ZNF780A: variants seen among roughly 807,000 people sequenced by gnomAD.
ZNF780A encodes zinc finger protein 780A.
Under a neutral mutation model 56.7 loss-of-function variants are expected in ZNF780A, and 40 were observed. The observed-to-expected ratio is 0.71, with a 90% CI of 0.55 to 0.92. ZNF780A has a LOEUF of 0.92. Among genes scored for constraint, ZNF780A ranks in the 40% least tolerant of loss-of-function variants. The pLI is 0.00. For missense variants in ZNF780A, 672 were observed against 783.3 expected (o/e 0.86, Z 1.70); for synonymous variants, 231 against 248.3 (o/e 0.93, Z 0.66).
At chr19:40,081,759 T>C in intron 5 of ZNF780A, 60 bp downstream of exon 5, 2 of 1,438,412 alleles carry the variant, frequency 1.4e-6, no homozygotes, top group Non-Finnish European at 2.0e-6. Flanking sequence ...GTATGACTCC[T>C]TTCTGAGCAC....
At position 40,081,832 on chromosome 19, in the gene ZNF780A, G is replaced by A. The variant is rs748770793; in HGVS notation, c.219C>T (p.Ser73=). 24 of 1,612,070 alleles carry A rather than the reference G, an allele frequency of 1.5e-5. No individual in the cohort carries two copies. In the East Asian group the frequency reaches 4.7e-4, roughly 31 times the overall value. Residue 73 remains serine, a synonymous_variant, in exon 5 of 6, where the codon AGC becomes AGT. Coordinates refer to ENST00000683561, the MANE Select transcript of ZNF780A (RefSeq NM_001142578.2). ...EPWMVVRKET[S]RRYPDLELKY... is the part of the protein sequence containing the mutation. ...ACCCTCACTTACCTGGATACCGTCT[G>A]CTTGTTTCTTTCCTTACAACCATCC...
chr19:40,085,250 T>C (rs1974731762), intron 2 of ZNF780A: 1 of 985,286 alleles, frequency 1.0e-6, no homozygotes, highest in Admixed American at 6.2e-5. Context: ...GGGGAAGGCA[T>C]GAGAACTGGA....
At chr19:40,088,416 A>T (rs567151536) in intron 2 of ZNF780A, among the ~76,000 whole-genome samples, 2 of 152,310 alleles carry the variant, frequency 1.3e-5, no homozygotes, top group South Asian at 4.1e-4. Flanking sequence ...AATACTCAAC[A>T]TCACTAATCA....
chr19:40,087,947 AG>A (rs1974911709), intron 2 of ZNF780A, among the ~76,000 whole-genome samples: 1 of 152,166 alleles, frequency 6.6e-6, no homozygotes, highest in Admixed American at 6.6e-5. Context: ...TGTGAAAAGT[AG>A]GTATCCATAT....
chr19:40,074,861 T>A lies in ZNF780A; in HGVS notation c.1581A>T (p.Lys527Asn). The A allele has an allele frequency of 6.2e-7, 1 of 1,614,184 alleles. No individual in the cohort carries two copies. Among genetic ancestry groups the A allele is most frequent in the Non-Finnish European group, 8.5e-7 (1 of 1,180,022 alleles). Reference sequence around the variant, plus strand: ...TCCCACATTCCTTACATTCAAATGGTTTTTCACCTGTGTGAGTTTTCTGAT... The same window carrying A: ...TCCCACATTCCTTACATTCAAATGGATTTTCACCTGTGTGAGTTTTCTGAT... ...SQHQKTHTGE[K>N]PFECKECGKF... is the part of the protein sequence containing the mutation. The change falls in exon 6 of 6, where the codon AAA becomes AAT. Residue 527 changes from lysine to asparagine, a missense_variant. Transcript: ENST00000683561.
Position 40,074,419 on chromosome 19 carries a change from A to G in ZNF780A, c.*97T>C, listed in dbSNP as rs1265657329. 5.8e-6 allele frequency: 9 copies of G among 1,560,750 alleles called. No homozygotes were observed. The highest frequency in any genetic ancestry group is 1.4e-5 in the African/African-American group (1 of 73,168). ...TTGAACCACAAATGAAGCCTTTCCC[A>G]CACCCCTTACATTCACATGGTTTTA... On this transcript the variant is annotated 3_prime_UTR_variant, in exon 6 of 6. Transcript: ENST00000683561.
rs1973991537 is a variant in ZNF780A, at chr19:40,074,734, T to TA, written c.1707dup (p.Met570TyrfsTer13). 6.2e-7 allele frequency: 1 copy of TA among 1,612,650 alleles called. No individual in the cohort carries two copies. Among genetic ancestry groups the TA allele is most frequent in the African/African-American group, 1.3e-5 (1 of 74,380 alleles). The stretch of plus-strand genomic sequence containing the variant: ...AATTTCTGATGTCGAATAAGGTGCA[T>TA]ATGAAGTCGAAAGGCTTTCCCACAT... On this transcript the variant is annotated frameshift_variant, in exon 6 of 6. Transcript: ENST00000683561. LOFTEE classifies it high-confidence loss of function.
At chr19:40,071,019 T>G (rs1302028824), downstream of ZNF780A, 1 of 152,148 alleles carries the variant, frequency 6.6e-6, no homozygotes, top group East Asian at 1.9e-4. Context: ...TTTTGTAAGA[T>G]TTATAAGATC....
At chr19:40,088,420 C>T (rs528003565) in intron 2 of ZNF780A, among the ~76,000 whole-genome samples, 1 of 152,234 alleles carries the variant, frequency 6.6e-6, no homozygotes, top group South Asian at 2.1e-4. Context: ...CTCAACATCA[C>T]TAATCATCAG....
downstream of ZNF780A, chr19:40,072,849 G>A (rs139242176): frequency 8.6e-5 from 131 of 1,531,392 alleles, 1 homozygote; most frequent in Middle Eastern, 5.1e-4. Context: ...AAATTTGAGC[G>A]CCTACATTCA....
chr19:40,072,840 A>C, downstream of ZNF780A: 1 of 1,528,922 alleles, frequency 6.5e-7, no homozygotes. Flanking sequence ...TACCTACCAA[A>C]ATTTGAGCGC....
chr19:40,087,097 C>G (rs1402322862), intron 2 of ZNF780A, among the ~76,000 whole-genome samples: 1 of 152,082 alleles, frequency 6.6e-6, no homozygotes, highest in Non-Finnish European at 1.5e-5. Flanking sequence ...TTATAGACAT[C>G]ATTTTATTAC....
At chr19:40,090,451 G>C (rs1194512835) in intron 1 of ZNF780A, 1 of 152,236 alleles carries the variant, frequency 6.6e-6, no homozygotes, top group Admixed American at 6.5e-5. Flanking sequence ...ACATGTAGCT[G>C]CCCCCCTGGG....
chr19:40,083,449 G>T (rs1974600244), intron 3 of ZNF780A, among the ~76,000 whole-genome samples: 1 of 152,128 alleles, frequency 6.6e-6, no homozygotes. Context: ...AGGATTGCTT[G>T]AGCCTAGAAA....
At chr19:40,076,247 G>C in intron 5 of ZNF780A, 38 bp from the exon 6 acceptor site, 1 of 1,517,554 alleles carries the variant, frequency 6.6e-7, no homozygotes, top group African/African-American at 1.4e-5. Context: ...TTTTATTTTC[G>C]TATAACACAC....
rs375549204 is a variant in ZNF780A at position 40,075,907 on chromosome 19, T to G, written c.535A>C (p.Asn179His). The G allele has an allele frequency of 6.2e-6, 10 of 1,613,996 alleles. No homozygotes were observed. The African/African-American group carries it at 9.3e-5, about 15-fold the overall frequency. Reference sequence around the variant, plus strand: ...TGAATACTCTGATGCTGAATAAGATTTGCACTACGACTAAAGTATTTCCCA... The same window carrying G: ...TGAATACTCTGATGCTGAATAAGATGTGCACTACGACTAAAGTATTTCCCA... ...ECGKYFSRSA[N>H]LIQHQSIHTG... The change falls in exon 6 of 6, where the codon AAT becomes CAT. Residue 179 changes from asparagine (N) to histidine (H), a missense_variant. Transcript: ENST00000683561.
intron 5 of ZNF780A, among the ~76,000 whole-genome samples, chr19:40,079,010 C>T (rs337798): frequency 0.21 from 31,416 of 151,978 alleles, 7,065 homozygotes; most frequent in African/African-American, 0.56. Flanking sequence ...TCACATTGAA[C>T]GTAAATGGAT....
At chr19:40,084,947 ACTCT>A in intron 2 of ZNF780A, 149 bp from the exon 3 acceptor site, 1 of 1,099,040 alleles carries the variant, frequency 9.1e-7, no homozygotes, top group South Asian at 1.6e-5. Flanking sequence ...CCCCACACAC[ACTCT>A]CTCACAAATA....
chr19:40,081,765 A>T, intron 5 of ZNF780A, 54 bp downstream of exon 5: 2 of 1,460,792 alleles, frequency 1.4e-6, no homozygotes, highest in South Asian at 2.3e-5. Context: ...CTCCTTTCTG[A>T]GCACATGTCC....
Sources: gnomAD v4.1 joint callset for allele counts (sites outside exome capture counted in the v4.1 genomes callset) on GRCh38, gnomAD v4.1.1 for gene constraint, MANE v1.5 for transcripts, NCBI Gene and HGNC (gene_info 2026-07-23, HGNC 2026-07-21) for gene names.